Variants in VKORC1L1 observed in about 807,000 individuals in gnomAD.
The protein encoded by VKORC1L1 is vitamin K epoxide reductase complex subunit 1L1.
VKORC1L1 carries 2 observed loss-of-function variants against 18.9 expected under a neutral mutation model. That is an observed-to-expected ratio of 0.11 (90% CI 0.04 to 0.33). The LOEUF is 0.33. VKORC1L1 is among the 10% of genes least tolerant of loss of function. The pLI is 1.00. For missense variants in VKORC1L1, 123 were observed against 224.1 expected (o/e 0.55, Z 2.88); for synonymous variants, 96 against 100.0 (o/e 0.96, Z 0.24).
chr7:65,873,833 G>A (rs927392198), intron 1 of VKORC1L1, among the ~76,000 whole-genome samples: 6 of 152,032 alleles, frequency 3.9e-5, no homozygotes, highest in African/African-American at 1.4e-4. Context: ...CCGGGAGGCC[G>A]GGGCGGACGC....
In VKORC1L1 at chr7:65,956,413, G is replaced by T. The variant is rs1408011030; in HGVS notation, c.*2113G>T. 1 of 152,208 alleles carries T rather than the reference G, an allele frequency of 6.6e-6. No individual in the cohort carries two copies. The highest frequency in any genetic ancestry group is 2.4e-5 in the African/African-American group (1 of 41,448). The allele number at this position is 152,208 out of a possible 1,614,324, so 9.4% of individuals were successfully genotyped here. Reference sequence around the variant, plus strand: ...TATCAATCAACAGAGTATAGTTAAAGCTTGTCTTGATGTTGCATTCTTGCA... The same window carrying T: ...TATCAATCAACAGAGTATAGTTAAATCTTGTCTTGATGTTGCATTCTTGCA... On this transcript the variant is annotated 3_prime_UTR_variant, in exon 3 of 3. Coordinates refer to ENST00000360768, the MANE Select transcript of VKORC1L1 (RefSeq NM_173517.6).
At chr7:65,883,906 A>T (rs1788970404) in intron 1 of VKORC1L1, among the ~76,000 whole-genome samples, 1 of 152,214 alleles carries the variant, frequency 6.6e-6, no homozygotes, top group African/African-American at 2.4e-5. Flanking sequence ...TTTTGTAGTT[A>T]GCATCTCTAA....
intron 1 of VKORC1L1, among the ~76,000 whole-genome samples, chr7:65,874,114 T>TG (rs1788784719): frequency 6.6e-6 from 1 of 152,156 alleles, no homozygotes; most frequent in Non-Finnish European, 1.5e-5. Context: ...GGCCTCTTTG[T>TG]ACTCCAGCGC....
intron 1 of VKORC1L1, among the ~76,000 whole-genome samples, chr7:65,888,111 G>C (rs1267593120): frequency 2.0e-5 from 3 of 152,196 alleles, no homozygotes; most frequent in Non-Finnish European, 4.4e-5. Flanking sequence ...GTGTGTGTGA[G>C]ATGCAATTTG....
chr7:65,869,237 C>T (rs1464529624), upstream of VKORC1L1, among the ~76,000 whole-genome samples: 1 of 151,950 alleles, frequency 6.6e-6, no homozygotes, highest in East Asian at 1.9e-4. Context: ...TCTCTTCAAC[C>T]TGGCTGATGG....
chr7:65,918,988 C>T (rs1024437545), intron 1 of VKORC1L1, among the ~76,000 whole-genome samples: 4 of 152,002 alleles, frequency 2.6e-5, no homozygotes, highest in East Asian at 3.9e-4. Context: ...CCAGCTACTC[C>T]GGAGGCTGAG....
At chr7:65,878,000 G>A (rs943465706) in intron 1 of VKORC1L1, among the ~76,000 whole-genome samples, 1 of 151,948 alleles carries the variant, frequency 6.6e-6, no homozygotes, top group Non-Finnish European at 1.5e-5. Flanking sequence ...GCTTAAACCC[G>A]TGTTGTTCAA....
chr7:65,947,276 C>T (rs916788313), intron 1 of VKORC1L1, among the ~76,000 whole-genome samples: 1 of 152,120 alleles, frequency 6.6e-6, no homozygotes, highest in African/African-American at 2.4e-5. Flanking sequence ...CATTCTATAT[C>T]TTGGGCATCA....
At chr7:65,869,542 G>T (rs1233678468), upstream of VKORC1L1, among the ~76,000 whole-genome samples, 2 of 150,778 alleles carry the variant, frequency 1.3e-5, no homozygotes, top group Non-Finnish European at 3.0e-5. Flanking sequence ...GACGTGGGAT[G>T]ATGAGTCAGG....
At chr7:65,950,226 C>G (rs1790190728) in intron 2 of VKORC1L1, among the ~76,000 whole-genome samples, 1 of 152,072 alleles carries the variant, frequency 6.6e-6, no homozygotes, top group African/African-American at 2.4e-5. Context: ...GATCCCGATA[C>G]TAGTACATTT....
At position 65,955,047 on chromosome 7, in the gene VKORC1L1, C is replaced by G. The variant is rs1790272472; in HGVS notation, c.*747C>G. The G allele has an allele frequency of 6.6e-6, 1 of 152,210 alleles. No individual in the cohort carries two copies. The highest frequency in any genetic ancestry group is 2.4e-5 in the African/African-American group (1 of 41,432). The allele number at this position is 152,210 out of a possible 1,614,324, so 9.4% of individuals were successfully genotyped here. On this transcript the variant is annotated 3_prime_UTR_variant, in exon 3 of 3. Coordinates refer to ENST00000360768, the MANE Select transcript of VKORC1L1 (RefSeq NM_173517.6). ...AAAAATTGAATTGGAACGTTCAAGT[C>G]CAGTTTGTGTTCAGTCATAAAACTG...
At chr7:65,872,007 C>A (rs1291081763), upstream of VKORC1L1, among the ~76,000 whole-genome samples, 2 of 152,164 alleles carry the variant, frequency 1.3e-5, no homozygotes, top group African/African-American at 4.8e-5. Flanking sequence ...AAAGCTGCAA[C>A]CAGGGAAACA....
intron 1 of VKORC1L1, among the ~76,000 whole-genome samples, chr7:65,921,908 A>G (rs1048477258): frequency 1.3e-5 from 2 of 151,722 alleles, no homozygotes; most frequent in African/African-American, 2.4e-5. Context: ...GGCTGGTTTC[A>G]AACTCCTGGC....
At chr7:65,898,298 C>A (rs1288961001) in intron 1 of VKORC1L1, among the ~76,000 whole-genome samples, 1 of 151,788 alleles carries the variant, frequency 6.6e-6, no homozygotes, top group Non-Finnish European at 1.5e-5. Context: ...TCTTGCCAGG[C>A]TGGTCTTGAA....
chr7:65,942,643 A>G (rs1790056576), intron 1 of VKORC1L1, among the ~76,000 whole-genome samples: 1 of 151,868 alleles, frequency 6.6e-6, no homozygotes, highest in Admixed American at 6.6e-5. Context: ...TTTCTGCCTC[A>G]GTCTCCCAAG....
At chr7:65,892,637 A>G (rs983793476) in intron 1 of VKORC1L1, among the ~76,000 whole-genome samples, 2 of 152,074 alleles carry the variant, frequency 1.3e-5, no homozygotes, top group Admixed American at 6.6e-5. Flanking sequence ...TAGATCAACA[A>G]TCTCTGGAAT....
At chr7:65,893,058 A>G (rs984485039) in intron 1 of VKORC1L1, among the ~76,000 whole-genome samples, 14 of 152,254 alleles carry the variant, frequency 9.2e-5, no homozygotes, top group Admixed American at 7.8e-4. Context: ...GCAGAAGCAG[A>G]TAAGAGAATC....
intron 1 of VKORC1L1, among the ~76,000 whole-genome samples, chr7:65,909,867 G>C (rs1388513906): frequency 6.6e-6 from 1 of 151,966 alleles, no homozygotes; most frequent in Non-Finnish European, 1.5e-5. Context: ...ACAGGCATGT[G>C]CCACCATGCC....
At chr7:65,938,774 C>T (rs944180538) in intron 1 of VKORC1L1, among the ~76,000 whole-genome samples, 1 of 152,180 alleles carries the variant, frequency 6.6e-6, no homozygotes, top group Non-Finnish European at 1.5e-5. Context: ...CTAAAGAGCC[C>T]GAACAGCTGT....
Sources: gnomAD v4.1 joint callset for allele counts (sites outside exome capture counted in the v4.1 genomes callset) on GRCh38, gnomAD v4.1.1 for gene constraint, MANE v1.5 for transcripts, NCBI Gene and HGNC (gene_info 2026-07-23, HGNC 2026-07-21) for gene names.